The following B3GAT2 variants were observed in gnomAD, a reference collection of about 807,000 sequenced individuals.
B3GAT2 encodes the protein galactosylgalactosylxylosylprotein 3-beta-glucuronosyltransferase 2.
A neutral mutation model predicts 27.8 loss-of-function variants in B3GAT2; 26 were observed. The observed-to-expected ratio is 0.93, with a 90% confidence interval of 0.68 to 1.30. The LOEUF (loss-of-function observed/expected upper bound fraction) is 1.30. B3GAT2 is among the 50% of genes most tolerant of loss of function. The pLI is 0.00. For synonymous variants in B3GAT2, 218 were observed against 195.1 expected (o/e 1.12, Z -0.98); for missense variants, 458 against 459.0 (o/e 1.00, Z 0.02).
intron 1 of B3GAT2, among the ~76,000 whole-genome samples, chr6:70,945,476 A>C (rs1349316398): frequency 2.0e-5 from 3 of 152,064 alleles, no homozygotes; most frequent in Admixed American, 6.6e-5. Context: ...GGTATCAGTG[A>C]TGGAAGATGA....
intron 1 of B3GAT2, among the ~76,000 whole-genome samples, chr6:70,935,631 TG>T (rs1207497103): frequency 1.3e-5 from 2 of 152,136 alleles, no homozygotes; most frequent in Non-Finnish European, 2.9e-5. Flanking sequence ...TCAAAAGTTT[TG>T]CAACAGTTTA....
At chr6:70,935,820 A>C (rs564972343) in intron 1 of B3GAT2, among the ~76,000 whole-genome samples, 1 of 152,168 alleles carries the variant, frequency 6.6e-6, no homozygotes, top group East Asian at 1.9e-4. Flanking sequence ...AAAGACCATC[A>C]AGGCTAGGAA....
chr6:70,859,813 A>G lies in B3GAT2; in HGVS notation c.*1850T>C, dbSNP rs1771625195. ...GAAGTATATAAGATTTTAATAGAGA[A>G]TAATATCTATCATACAAAGTTTATA... On this transcript the variant is annotated 3_prime_UTR_variant, in exon 4 of 4. Transcript: ENST00000230053. The G allele has an allele frequency of 5.6e-6, 1 of 178,678 alleles. No individual in the cohort carries two copies. The highest frequency in any genetic ancestry group is 1.6e-4 in the South Asian group (1 of 6,194). The allele number at this position is 178,678 out of a possible 1,614,324, so 11.1% of individuals were successfully genotyped here. A position where few individuals can be genotyped will look rare whatever the true frequency, so the allele number is the denominator to read the frequency against.
At chr6:70,940,656 C>T (rs1476337813) in intron 1 of B3GAT2, among the ~76,000 whole-genome samples, 2 of 152,038 alleles carry the variant, frequency 1.3e-5, no homozygotes, top group South Asian at 2.1e-4. Flanking sequence ...GGCCAGGCAC[C>T]GTGGCTCACA....
intron 1 of B3GAT2, among the ~76,000 whole-genome samples, chr6:70,923,463 G>A (rs1484569546): frequency 6.6e-6 from 1 of 152,154 alleles, no homozygotes; most frequent in East Asian, 1.9e-4. Flanking sequence ...AATTGCTTGA[G>A]CCCAAGAGCT....
chr6:70,956,367 G>T lies in B3GAT2; in HGVS notation c.63C>A (p.Ile21=). The T allele has an allele frequency of 1.3e-6, 2 of 1,561,302 alleles. No homozygotes were observed. The highest frequency in any genetic ancestry group is 1.2e-5 in the South Asian group (1 of 85,260). Residue 21 remains isoleucine, a synonymous_variant, in exon 1 of 4, where the codon ATC becomes ATA. Coordinates refer to ENST00000230053, the MANE Select transcript of B3GAT2 (RefSeq NM_080742.3). The stretch of plus-strand genomic sequence containing the variant: ...GCCTGCGCGTGTCCACGTCGAGCAT[G>T]ATGATGACAATTAGGATCCAGGGCA... ...ILLPWILIVI[I]MLDVDTRRPV... is the part of the protein sequence containing the mutation.
chr6:70,934,907 C>G (rs1773118413), intron 1 of B3GAT2, among the ~76,000 whole-genome samples: 2 of 152,076 alleles, frequency 1.3e-5, no homozygotes, highest in Admixed American at 6.6e-5. Flanking sequence ...ATTACCCAAC[C>G]CTGTAACATT....
At chr6:70,905,206 G>T (rs915812018) in intron 1 of B3GAT2, among the ~76,000 whole-genome samples, 3 of 152,178 alleles carry the variant, frequency 2.0e-5, no homozygotes, top group African/African-American at 7.2e-5. Context: ...TAATTATTGT[G>T]TATAGTGGTG....
chr6:70,895,600 G>T (rs1019137891), intron 1 of B3GAT2, among the ~76,000 whole-genome samples: 2 of 142,020 alleles, frequency 1.4e-5, no homozygotes, highest in Admixed American at 1.5e-4. Flanking sequence ...CTGCCTCCCG[G>T]GTTCAAGTAA....
chr6:70,878,952 G>C (rs1233702109), intron 2 of B3GAT2, among the ~76,000 whole-genome samples: 1 of 151,870 alleles, frequency 6.6e-6, no homozygotes, highest in African/African-American at 2.4e-5. Flanking sequence ...TCACCAGCAG[G>C]CATTGAAATA....
intron 1 of B3GAT2, among the ~76,000 whole-genome samples, chr6:70,944,139 G>A (rs551871210): frequency 9.9e-5 from 15 of 152,276 alleles, no homozygotes; most frequent in East Asian, 5.8e-4. Context: ...AGCTCCCAGC[G>A]TGAGCGACGC....
At chr6:70,947,624 G>A (rs1582400866) in intron 1 of B3GAT2, among the ~76,000 whole-genome samples, 1 of 151,190 alleles carries the variant, frequency 6.6e-6, no homozygotes, top group South Asian at 2.1e-4. Context: ...AGGACCAGAT[G>A]GATTCACAGC....
At chr6:70,945,477 T>A (rs920223496) in intron 1 of B3GAT2, among the ~76,000 whole-genome samples, 5 of 151,686 alleles carry the variant, frequency 3.3e-5, no homozygotes, top group Non-Finnish European at 7.4e-5. Context: ...GTATCAGTGA[T>A]GGAAGATGAA....
intron 2 of B3GAT2, among the ~76,000 whole-genome samples, chr6:70,884,110 A>C (rs1009657473): frequency 3.5e-5 from 5 of 143,236 alleles, no homozygotes; most frequent in African/African-American, 1.4e-4. Context: ...AAAAAAAAAA[A>C]AAACAAAAAA....
intron 1 of B3GAT2, among the ~76,000 whole-genome samples, chr6:70,920,271 C>T (rs994106571): frequency 6.6e-6 from 1 of 152,184 alleles, no homozygotes; most frequent in Admixed American, 6.5e-5. Context: ...TTGCGAATAC[C>T]GTGGGAAAAG....
chr6:70,953,229 AG>A (rs1765602302), intron 1 of B3GAT2, among the ~76,000 whole-genome samples: 1 of 152,206 alleles, frequency 6.6e-6, no homozygotes, highest in South Asian at 2.1e-4. Flanking sequence ...AAGGAGCTGT[AG>A]ATTTTCAATG....
chr6:70,910,797 G>A (rs1772677392), intron 1 of B3GAT2, among the ~76,000 whole-genome samples: 1 of 152,114 alleles, frequency 6.6e-6, no homozygotes, highest in Non-Finnish European at 1.5e-5. Context: ...CACCAGCAGC[G>A]TATAGGCATT....
intron 1 of B3GAT2, among the ~76,000 whole-genome samples, chr6:70,924,828 G>A (rs1013040133): frequency 1.3e-5 from 2 of 152,204 alleles, no homozygotes; most frequent in Admixed American, 1.3e-4. Flanking sequence ...CAGAATGGGA[G>A]AATGAGAGGA....
chr6:70,922,028 C>T (rs1772879049), intron 1 of B3GAT2, among the ~76,000 whole-genome samples: 1 of 152,118 alleles, frequency 6.6e-6, no homozygotes, highest in South Asian at 2.1e-4. Flanking sequence ...GCTGGCCACA[C>T]ACTTCATCAA....
Sources: allele counts gnomAD v4.1 joint callset (sites outside exome capture counted in the v4.1 genomes callset), GRCh38; gene constraint gnomAD v4.1.1; transcripts MANE v1.5; gene names NCBI Gene and HGNC (gene_info 2026-07-23, HGNC 2026-07-21).